ACBD6: variants seen among roughly 807,000 people sequenced by gnomAD.
ACBD6 encodes the protein acyl-CoA binding domain containing 6.
ACBD6 carries 28 observed loss-of-function variants against 37.2 expected under a neutral mutation model. The ratio of observed to expected loss-of-function variants is 0.75; its 90% CI spans 0.56 to 1.03. The LOEUF (loss-of-function observed/expected upper bound fraction) is 1.03. ACBD6 is among the 50% of genes least tolerant of loss of function. The probability of loss-of-function intolerance (pLI) is 0.00; values close to 1 mark genes in which losing one functional copy is unlikely to be tolerated. For missense variants in ACBD6, 340 were observed against 337.4 expected, an observed-to-expected ratio of 1.01 and a Z score of -0.06; for synonymous variants, 113 against 126.8, an observed-to-expected ratio of 0.89 and a Z score of 0.73.
intron 7 of ACBD6, among the ~76,000 whole-genome samples, chr1:180,307,169 C>G (rs1360912902): frequency 1.3e-5 from 2 of 152,176 alleles, no homozygotes; most frequent in African/African-American, 4.8e-5. Context: ...GAACACTATT[C>G]AGCCATAAAA....
chr1:180,450,197 T>G (rs1380917704), intron 3 of ACBD6, among the ~76,000 whole-genome samples: 1 of 152,136 alleles, frequency 6.6e-6, no homozygotes, highest in Non-Finnish European at 1.5e-5. Flanking sequence ...TTGCAAGAAG[T>G]GTTAAGGTAA....
intron 3 of ACBD6, among the ~76,000 whole-genome samples, chr1:180,490,934 AGT>A (rs978342529): frequency 1.7e-4 from 23 of 136,474 alleles, no homozygotes; most frequent in South Asian, 1.5e-3. Flanking sequence ...CTCCAGTCTG[AGT>A]GATAGAGTGA....
At chr1:180,442,064 C>T (rs868288385) in intron 3 of ACBD6, among the ~76,000 whole-genome samples, 26 of 152,236 alleles carry the variant, frequency 1.7e-4, no homozygotes, top group African/African-American at 4.8e-4. Flanking sequence ...ACAGGTTGGT[C>T]GTCTTTTCCT....
At chr1:180,472,731 GTACTT>G (rs1387033775) in intron 3 of ACBD6, among the ~76,000 whole-genome samples, 1 of 152,028 alleles carries the variant, frequency 6.6e-6, no homozygotes, top group East Asian at 1.9e-4. Flanking sequence ...ACATTCTAAA[GTACTT>G]TAATTCTTTA....
At chr1:180,493,247 C>CAAAAAAAAAAAAAAAAAAAAAAAA (rs71121023) in intron 2 of ACBD6, among the ~76,000 whole-genome samples, 3 of 47,796 alleles carry the variant, frequency 6.3e-5, no homozygotes, top group African/African-American at 1.2e-4. Flanking sequence ...AATTCTGTCT[C>CAAAAAAAAAAAAAAAAAAAAAAAA]AAAAAAAAAA....
At chr1:180,321,138 C>CCATT (rs2149294719) in intron 6 of ACBD6, among the ~76,000 whole-genome samples, 1 of 152,174 alleles carries the variant, frequency 6.6e-6, no homozygotes, top group African/African-American at 2.4e-5. Flanking sequence ...CTATTCTGTT[C>CCATT]CATTCATCTA....
chr1:180,453,080 A>G (rs1235189802), intron 3 of ACBD6, among the ~76,000 whole-genome samples: 3 of 152,202 alleles, frequency 2.0e-5, no homozygotes, highest in African/African-American at 7.2e-5. Flanking sequence ...GCCAGCATCA[A>G]CCTGATATCA....
Position 180,502,309 on chromosome 1 carries a change from C to T in ACBD6, c.-43G>A. On this transcript the variant is annotated 5_prime_UTR_variant, in exon 1 of 8. Coordinates refer to ENST00000367595, the MANE Select transcript of ACBD6 (RefSeq NM_032360.4). Reference sequence around the variant, plus strand: ...GTCCCTCTGTGTCCGGTCTGTCCTCCTTGGATTGGGTGTAAGGCCGGCTTG... The same window carrying T: ...GTCCCTCTGTGTCCGGTCTGTCCTCTTTGGATTGGGTGTAAGGCCGGCTTG... The T allele has an allele frequency of 6.2e-7, 1 of 1,605,504 alleles. No homozygotes were observed. Among genetic ancestry groups the T allele is most frequent in the Non-Finnish European group, 8.5e-7 (1 of 1,176,202 alleles).
At chr1:180,276,847 T>G (rs1649064732) in intron 9 of ACBD6, 1 of 146,348 alleles carries the variant, frequency 6.8e-6, no homozygotes, top group East Asian at 2.1e-4. Flanking sequence ...GGGGGGGGCA[T>G]CCTCCTCTGT....
chr1:180,282,972 GT>G (rs34828086), intron 8 of ACBD6, among the ~76,000 whole-genome samples: 7,333 of 109,564 alleles, frequency 0.067, 171 homozygotes, highest in East Asian at 0.27. Context: ...ATGTCTTTCT[GT>G]TTTTTTTTTT....
intron 2 of ACBD6, 101 bp from the exon 3 acceptor site, chr1:180,492,466 T>G: frequency 1.1e-6 from 1 of 888,298 alleles, no homozygotes; most frequent in Non-Finnish European, 1.8e-6. Flanking sequence ...CAAGGGTCTC[T>G]GAATATAGAG....
In ACBD6 at chr1:180,378,558, C is replaced by A. The variant is rs180979284; in HGVS notation, c.663+18958G>T. Among the ~76,000 whole-genome samples, 33 of 152,310 alleles carry A rather than the reference C, an allele frequency of 2.2e-4. No individual in the cohort carries two copies. The East Asian group carries it at 3.5e-3, about 16-fold the overall frequency. ...AGTAGTATACAGGAACTCTGCACTG[C>A]TTTTGCAACTTTTCTGTAGAGTCTA... On this transcript the variant is annotated intron_variant, in intron 6 of 7. Coordinates refer to ENST00000367595, the MANE Select transcript of ACBD6 (RefSeq NM_032360.4).
intron 3 of ACBD6, chr1:180,435,821 G>A: frequency 5.0e-6 from 5 of 1,005,380 alleles, no homozygotes; most frequent in Non-Finnish European, 6.4e-6. Flanking sequence ...CAGCCTGATG[G>A]GTTTAGGATA....
intron 4 of ACBD6, among the ~76,000 whole-genome samples, chr1:180,415,341 G>A (rs1461352269): frequency 6.6e-6 from 1 of 151,688 alleles, no homozygotes; most frequent in African/African-American, 2.4e-5. Flanking sequence ...AGGTTGCAGT[G>A]AGCCGAGATC....
At chr1:180,419,245 C>T (rs999974968) in intron 4 of ACBD6, among the ~76,000 whole-genome samples, 7 of 151,528 alleles carry the variant, frequency 4.6e-5, no homozygotes, top group East Asian at 3.9e-4. Flanking sequence ...AGCGAGACTC[C>T]GTCTCAAAAA....
At chr1:180,482,294 A>G (rs1238553368) in intron 3 of ACBD6, among the ~76,000 whole-genome samples, 1 of 152,204 alleles carries the variant, frequency 6.6e-6, no homozygotes, top group Non-Finnish European at 1.5e-5. Flanking sequence ...GCAAAAGGCT[A>G]GATGGATACT....
At chr1:180,294,412 C>G (rs1358635621) in intron 7 of ACBD6, among the ~76,000 whole-genome samples, 1 of 151,888 alleles carries the variant, frequency 6.6e-6, no homozygotes, top group African/African-American at 2.4e-5. Context: ...GTGGCGCATT[C>G]CTATAATACC....
At chr1:180,283,341 C>G (rs957190355), downstream of ACBD6, among the ~76,000 whole-genome samples, 1 of 152,128 alleles carries the variant, frequency 6.6e-6, no homozygotes, top group Non-Finnish European at 1.5e-5. Context: ...TGTTCAGCCA[C>G]TGCATCTAGT....
In ACBD6 at chr1:180,334,379, G is replaced by A. The variant is rs374645388; in HGVS notation, c.664-19657C>T. Among the ~76,000 whole-genome samples, 16 of 152,254 alleles carry A rather than the reference G, an allele frequency of 1.1e-4. No individual in the cohort carries two copies. In the East Asian group the frequency reaches 2.7e-3, roughly 26 times the overall value. On this transcript the variant is annotated intron_variant, in intron 6 of 7. Transcript: ENST00000367595. Reference sequence around the variant, plus strand: ...CACCAATATCCATTGTTCTGCAGCCGCCGCTGCTGATACCCAGGCAAACAG... The same window carrying A: ...CACCAATATCCATTGTTCTGCAGCCACCGCTGCTGATACCCAGGCAAACAG...
Sources: gnomAD v4.1 joint callset for allele counts (sites outside exome capture counted in the v4.1 genomes callset) on GRCh38, gnomAD v4.1.1 for gene constraint, MANE v1.5 for transcripts, NCBI Gene and HGNC (gene_info 2026-07-23, HGNC 2026-07-21) for gene names.